FAAH: variants seen among roughly 807,000 people sequenced by gnomAD.
FAAH encodes fatty-acid amide hydrolase 1.
In FAAH, 63 loss-of-function variants were observed where a neutral mutation model predicts 69.7. The observed-to-expected ratio is 0.90, with a 90% CI of 0.74 to 1.12. The LOEUF is 1.12. FAAH is among the 50% of genes most tolerant of loss of function. The pLI, the probability that FAAH is intolerant of heterozygous loss-of-function variation, is 0.00. For synonymous variants in FAAH, 305 were observed against 324.2 expected (o/e 0.94, Z 0.64); for missense variants, 680 against 755.0 (o/e 0.90, Z 1.16).
At chr1:46,401,119 C>CAGGGGAGGAGGGGGAGGAGGGGG (rs1664695838) in intron 1 of FAAH, among the ~76,000 whole-genome samples, 5 of 60,034 alleles carry the variant, frequency 8.3e-5, no homozygotes, top group Admixed American at 2.2e-4. Flanking sequence ...GGAAGCAGGC[C>CAGGGGAGGAGGGGGAGGAGGGGG]AGGGGAGGAG....
At chr1:46,401,233 C>T (rs908019309) in intron 1 of FAAH, among the ~76,000 whole-genome samples, 1 of 151,362 alleles carries the variant, frequency 6.6e-6, no homozygotes, top group Non-Finnish European at 1.5e-5. Flanking sequence ...AAGCCTTCTC[C>T]CAGAATCAGA....
chr1:46,405,729 C>G lies in FAAH; in HGVS notation c.720C>G (p.Gly240=), dbSNP rs578128149. ...SPLGLGTDIG[G]SIRFPSSFCG... ...TGGGCTTAGGCACTGATATCGGAGG[C>G]AGCATCCGCTTCCCCTCCTCCTTCT... The change falls in exon 5 of 15, where the codon GGC becomes GGG. Residue 240 remains glycine, a synonymous_variant. Transcript: ENST00000243167. This position sits in a 1 kb window ranked among gnomAD's most constrained non-coding sequence, Gnocchi z 4.1. 31 of 1,613,512 alleles carry G rather than the reference C, an allele frequency of 1.9e-5. No individual in the cohort carries two copies. Among genetic ancestry groups the G allele is most frequent in the Non-Finnish European group, 2.5e-5 (30 of 1,180,040 alleles).
chr1:46,396,003 C>T (rs1664590773), intron 1 of FAAH, among the ~76,000 whole-genome samples: 1 of 151,840 alleles, frequency 6.6e-6, no homozygotes, highest in South Asian at 2.1e-4. Flanking sequence ...ATAGGGAGGA[C>T]CCGCGCCAGC....
rs75728206 is a variant in FAAH at position 46,410,261 on chromosome 1, G to A, written c.1176-137G>A. ...ATCAGCAGAAACAAACGGCATGTTTGGAAGGAGGGAGCTGAGTCTGGTGAG... is the reference window on the plus strand; with the variant it reads ...ATCAGCAGAAACAAACGGCATGTTTAGAAGGAGGGAGCTGAGTCTGGTGAG... On this transcript the variant is annotated intron_variant, in intron 9 of 14. Coordinates refer to ENST00000243167, the MANE Select transcript of FAAH (RefSeq NM_001441.3). This position sits in a 1 kb window ranked among gnomAD's most constrained non-coding sequence, Gnocchi z 4.9. The A allele has an allele frequency of 2.9e-3, 2,175 of 761,704 alleles. 22 individuals carry two copies. The highest frequency in any genetic ancestry group is 0.022 in the East Asian group (875 of 40,608). 47.2% of individuals were successfully genotyped at this position (761,704 alleles called of 1,614,324 possible). A position where few individuals can be genotyped will look rare whatever the true frequency, so the allele number is the denominator to read the frequency against.
intron 1 of FAAH, among the ~76,000 whole-genome samples, chr1:46,395,376 C>A (rs1664578315): frequency 6.6e-6 from 1 of 152,210 alleles, no homozygotes; most frequent in Admixed American, 6.5e-5. Context: ...CCCTGGCAAG[C>A]CCTTTCCATG....
intron 2 of FAAH, among the ~76,000 whole-genome samples, chr1:46,402,458 C>T (rs1664721028): frequency 6.6e-6 from 1 of 152,228 alleles, no homozygotes; most frequent in South Asian, 2.1e-4. Flanking sequence ...TGGCTTTTAG[C>T]CCAGACTTCC....
Position 46,405,418 on chromosome 1 carries a change from C to T in FAAH, c.491C>T (p.Ala164Val), listed in dbSNP as rs767131485. Residue 164 changes from alanine to valine, a missense_variant, in exon 4 of 15, where the codon GCG becomes GTG. Transcript: ENST00000243167. The surrounding 1 kb of genome is among the most constrained non-coding windows in gnomAD (Gnocchi z 4.1). ...LGLSLNEGVP[A>V]ECDSVVVHVL... is the part of the protein sequence containing the mutation. The stretch of plus-strand genomic sequence containing the variant: ...TTGAGCCTGAATGAAGGGGTGCCGG[C>T]GGAGTGCGACAGCGTAGTGGTGCAT... 1.3e-5 allele frequency: 21 copies of T among 1,610,286 alleles called. No homozygotes were observed. The highest frequency in any genetic ancestry group is 7.7e-5 in the South Asian group (7 of 91,012).
chr1:46,396,776 T>C (rs1035447559), intron 1 of FAAH, among the ~76,000 whole-genome samples: 1 of 152,172 alleles, frequency 6.6e-6, no homozygotes, highest in African/African-American at 2.4e-5. Context: ...CAGAACAAAA[T>C]GGAATTTCTT....
chr1:46,412,080 G>C, intron 12 of FAAH, 63 bp from the exon 13 acceptor site: 1 of 1,424,044 alleles, frequency 7.0e-7, no homozygotes, highest in Non-Finnish European at 9.7e-7. Flanking sequence ...CAGTCCCTGA[G>C]TTAAAGAGCC....
rs1249926840 is a variant in FAAH at position 46,402,129 on chromosome 1, C to T, written c.234C>T (p.Pro78=). 3 of 1,610,362 alleles carry T rather than the reference C, an allele frequency of 1.9e-6. No individual in the cohort carries two copies. The highest frequency in any genetic ancestry group is 2.2e-5 in the East Asian group (1 of 44,776). ...DLDSEALLAL[P]LPQLVQKLHS... The stretch of plus-strand genomic sequence containing the variant: ...ACTCAGAGGCGCTGCTAGCCCTGCC[C>T]CTGCCTCAGCTGGTGCAGAAGTTAC... Residue 78 remains proline, a synonymous_variant, in exon 2 of 15, where the codon CCC becomes CCT. Transcript: ENST00000243167.
At chr1:46,400,514 G>T (rs1429849955) in intron 1 of FAAH, among the ~76,000 whole-genome samples, 1 of 151,888 alleles carries the variant, frequency 6.6e-6, no homozygotes, top group African/African-American at 2.4e-5. Flanking sequence ...CTTGGTGACT[G>T]GATGCAGGTG....
At chr1:46,400,457 C>T (rs1664678461) in intron 1 of FAAH, among the ~76,000 whole-genome samples, 1 of 151,844 alleles carries the variant, frequency 6.6e-6, no homozygotes, top group Non-Finnish European at 1.5e-5. Flanking sequence ...CCGGTGAGGG[C>T]CTTGGTAGAG....
rs1332317743 is a variant in FAAH at position 46,404,451 on chromosome 1, C to A, written c.310-563C>A. Among the ~76,000 whole-genome samples the A allele has an allele frequency of 6.6e-6, 1 of 152,232 alleles. No homozygotes were observed. The highest frequency in any genetic ancestry group is 6.5e-5 in the Admixed American group (1 of 15,276). ...TAGCATGTTCTTCCCTTTTGTCAAG[C>A]TCCTACTCCACATGGCTTGATTATC... On this transcript the variant is annotated intron_variant, in intron 2 of 14. Coordinates refer to ENST00000243167, the MANE Select transcript of FAAH (RefSeq NM_001441.3). This position sits in a 1 kb window ranked among gnomAD's most constrained non-coding sequence, Gnocchi z 4.5.
intron 1 of FAAH, among the ~76,000 whole-genome samples, chr1:46,396,867 G>A (rs771200397): frequency 1.3e-5 from 2 of 152,192 alleles, no homozygotes; most frequent in Non-Finnish European, 2.9e-5. Context: ...TTGGCTGGCT[G>A]TAATGTATGA....
At position 46,413,558 on chromosome 1, in the gene FAAH, G is replaced by A; in HGVS notation, c.1723G>A (p.Glu575Lys). 12 of 1,614,088 alleles carry A rather than the reference G, an allele frequency of 7.4e-6. No individual in the cohort carries two copies. The highest frequency in any genetic ancestry group is 1.0e-5 in the Non-Finnish European group (12 of 1,179,978). The change falls in exon 15 of 15, where the codon GAA becomes AAA. Residue 575 changes from glutamate (E) to lysine (K), a missense_variant. Physicochemically the swap from Glu to Lys is moderately conservative, Grantham distance 56. Coordinates refer to ENST00000243167, the MANE Select transcript of FAAH (RefSeq NM_001441.3). ...GGAGGTGGAGCGACTGATGACCCCT[G>A]AAAAGCAGTCATCCTGATGGCTCTG... ...MREVERLMTPEKQSS is the reference protein window; with the variant it reads ...MREVERLMTPKKQSS
rs935136742 is a variant in FAAH at position 46,405,363 on chromosome 1, T to C, written c.445-9T>C. On this transcript the variant is annotated splice_polypyrimidine_tract_variant and intron_variant, in intron 3 of 14. Transcript: ENST00000243167. This position sits in a 1 kb window ranked among gnomAD's most constrained non-coding sequence, Gnocchi z 4.1. The stretch of plus-strand genomic sequence containing the variant: ...CTCACTCCCTTCTGGTGCCCATCCC[T>C]CCTCCCAGGGCCAGGACTCCACGCT... 6.2e-7 allele frequency: 1 copy of C among 1,609,030 alleles called. No individual in the cohort carries two copies. The highest frequency in any genetic ancestry group is 1.3e-5 in the African/African-American group (1 of 74,902).
At chr1:46,402,244 A>G in intron 2 of FAAH, 40 bp downstream of exon 2, 2 of 1,421,708 alleles carry the variant, frequency 1.4e-6, no homozygotes, top group Non-Finnish European at 1.9e-6. Flanking sequence ...GGGAAAGGTA[A>G]GGCCAGCCAA....
intron 7 of FAAH, among the ~76,000 whole-genome samples, chr1:46,406,804 C>A (rs567191568): frequency 6.6e-6 from 1 of 151,848 alleles, no homozygotes; most frequent in African/African-American, 2.4e-5. Flanking sequence ...GACGGGGTTT[C>A]ACCGTGTTAT....
chr1:46,394,573 C>A, intron 1 of FAAH, 30 bp downstream of exon 1: 1 of 1,321,378 alleles, frequency 7.6e-7, no homozygotes, highest in Non-Finnish European at 9.6e-7. Flanking sequence ...GGGATGGGCG[C>A]GGCCTGAGGG....
Sources: gnomAD v4.1 joint callset for allele counts (sites outside exome capture counted in the v4.1 genomes callset) on GRCh38, gnomAD v4.1.1 for gene constraint, Gnocchi (gnomAD v3.1) non-coding constraint, MANE v1.5 for transcripts, NCBI Gene and HGNC (gene_info 2026-07-23, HGNC 2026-07-21) for gene names.